Variants in CRTC3 observed in about 807,000 individuals in gnomAD.
CRTC3 encodes the protein CREB-regulated transcription coactivator 3.
Under a neutral mutation model 74.5 loss-of-function variants are expected in CRTC3, and 26 were observed. That is an observed-to-expected ratio of 0.35 (90% CI 0.26 to 0.48). The LOEUF is 0.48. Among genes scored for constraint, CRTC3 ranks in the 20% least tolerant of loss-of-function variants. The probability of loss-of-function intolerance (pLI) is 0.99; values close to 1 mark genes in which losing one functional copy is unlikely to be tolerated. For missense variants in CRTC3, 760 were observed against 787.3 expected, an observed-to-expected ratio of 0.97 and a Z score of 0.41; for synonymous variants, 377 against 325.8, an observed-to-expected ratio of 1.16 and a Z score of -1.69.
chr15:90,540,031 G>A lies in CRTC3; in HGVS notation c.133-8G>A, dbSNP rs1567158533. 1 of 1,601,842 alleles carries A rather than the reference G, an allele frequency of 6.2e-7. No homozygotes were observed. Among genetic ancestry groups the A allele is most frequent in the Admixed American group, 1.7e-5 (1 of 59,840 alleles). Reference sequence around the variant, plus strand: ...CCTCTCAGCGTTCTTAAATCACTTTGTTTCCAGGTTCAATTTCAGAAGCTT... The same window carrying A: ...CCTCTCAGCGTTCTTAAATCACTTTATTTCCAGGTTCAATTTCAGAAGCTT... On this transcript the variant is annotated splice_region_variant and splice_polypyrimidine_tract_variant and intron_variant, in intron 1 of 14. Transcript: ENST00000268184.
intron 2 of CRTC3, among the ~76,000 whole-genome samples, chr15:90,592,134 GAAA>G (rs1967814801): frequency 6.6e-6 from 1 of 152,134 alleles, no homozygotes; most frequent in African/African-American, 2.4e-5. Flanking sequence ...GTTTAACAAA[GAAA>G]AATTAGTTTT....
chr15:90,564,928 TCCTTCCTTCCTTCCTTCCTTCCTTCCTTC>T (rs566476672), intron 2 of CRTC3, among the ~76,000 whole-genome samples: 2 of 19,332 alleles, frequency 1.0e-4, no homozygotes, highest in East Asian at 4.5e-3. Context: ...CTTCCTTCCT[TCCTTCCTTCCTTCCTTCCTTCCTTCCTTC>T]CTTTCATGGA....
At chr15:90,597,538 G>C (rs929089148) in intron 3 of CRTC3, among the ~76,000 whole-genome samples, 4 of 152,102 alleles carry the variant, frequency 2.6e-5, no homozygotes, top group Admixed American at 2.0e-4. Context: ...TGGTTTATAG[G>C]ACACTGTTTC....
intron 9 of CRTC3, among the ~76,000 whole-genome samples, chr15:90,623,050 GC>G (rs910292593): frequency 6.6e-6 from 1 of 151,996 alleles, no homozygotes; most frequent in Non-Finnish European, 1.5e-5. Context: ...GCTCTCTTCT[GC>G]CACTGATTCC....
intron 3 of CRTC3, chr15:90,598,630 A>T: frequency 1.5e-6 from 1 of 666,064 alleles, no homozygotes; most frequent in South Asian, 1.6e-5. Flanking sequence ...CTATAAGAAG[A>T]GGAACAGATT....
intron 2 of CRTC3, among the ~76,000 whole-genome samples, chr15:90,556,079 AT>A (rs934055985): frequency 1.3e-5 from 2 of 151,764 alleles, no homozygotes; most frequent in African/African-American, 2.4e-5. Flanking sequence ...TATTTATATT[AT>A]TTTTTTCTTT....
chr15:90,604,848 C>G (rs912718227), intron 5 of CRTC3, among the ~76,000 whole-genome samples: 3 of 152,190 alleles, frequency 2.0e-5, no homozygotes, highest in Non-Finnish European at 2.9e-5. Flanking sequence ...AGTAAGAGTT[C>G]TACCTCAGCC....
intron 2 of CRTC3, among the ~76,000 whole-genome samples, chr15:90,572,298 C>T (rs1310747590): frequency 9.2e-5 from 14 of 151,938 alleles, no homozygotes; most frequent in Non-Finnish European, 1.5e-4. Flanking sequence ...TATAACCAGT[C>T]TCTTATTGAG....
Position 90,593,747 on chromosome 15 carries a change from G to A in CRTC3, c.343G>A (p.Gly115Arg). ...PLHRRSGDKP[G>R]RQFDGSAFGA... ...CCACCGAAGGTCTGGGGACAAGCCA[G>A]GGCGACAAATATCCTTTTTTACTCT... The change falls in exon 3 of 15, where the codon GGG becomes AGG. Residue 115 changes from glycine to arginine, a missense_variant. Around this residue, in one of 2 missense-constraint regions of CRTC3, gnomAD observed 652 missense variants for 635.2 expected, o/e 1.03. Transcript: ENST00000268184. 1 of 1,601,780 alleles carries A rather than the reference G, an allele frequency of 6.2e-7. No homozygotes were observed. Among genetic ancestry groups the A allele is most frequent in the East Asian group, 2.2e-5 (1 of 44,490 alleles).
At chr15:90,534,663 G>T (rs1006403763) in intron 1 of CRTC3, among the ~76,000 whole-genome samples, 1 of 152,162 alleles carries the variant, frequency 6.6e-6, no homozygotes, top group Non-Finnish European at 1.5e-5. Context: ...ATAATCCAAC[G>T]ACACTCACCC....
intron 2 of CRTC3, among the ~76,000 whole-genome samples, chr15:90,583,075 C>T (rs553193921): frequency 1.4e-4 from 21 of 152,058 alleles, no homozygotes; most frequent in South Asian, 8.3e-4. Context: ...TGAGCTCAAG[C>T]GATCCTCCCA....
chr15:90,606,588 A>G (rs1000836113), intron 5 of CRTC3, among the ~76,000 whole-genome samples: 1 of 152,160 alleles, frequency 6.6e-6, no homozygotes, highest in African/African-American at 2.4e-5. Flanking sequence ...ATAAAATAAA[A>G]AAAATATTGA....
intron 5 of CRTC3, 117 bp from the exon 6 acceptor site, chr15:90,607,261 G>T: frequency 1.5e-6 from 1 of 647,674 alleles, no homozygotes. Flanking sequence ...TTATTTGATG[G>T]TTGATTATAA....
chr15:90,628,573 A>G (rs1304699189), intron 10 of CRTC3, among the ~76,000 whole-genome samples: 1 of 152,152 alleles, frequency 6.6e-6, no homozygotes, highest in Non-Finnish European at 1.5e-5. Flanking sequence ...CTCTCTCCCA[A>G]ATTTCCTTGC....
chr15:90,597,131 G>T (rs538226612), intron 3 of CRTC3, among the ~76,000 whole-genome samples: 13 of 152,352 alleles, frequency 8.5e-5, no homozygotes, highest in Non-Finnish European at 1.3e-4. Flanking sequence ...CACACAGGCG[G>T]AGGAGAGGCA....
chr15:90,598,222 C>T lies in CRTC3; in HGVS notation c.352-4102C>T, dbSNP rs942394443. ...CTGAGCCCTGCCCAGGTACACTGAC[C>T]GCACAGGGACGGGAAGCCAAGAGAA... On this transcript the variant is annotated intron_variant, in intron 3 of 14. Coordinates refer to ENST00000268184, the MANE Select transcript of CRTC3 (RefSeq NM_022769.5). The T allele has an allele frequency of 1.5e-4, 84 of 563,216 alleles. 1 individual carries two copies. The South Asian group carries it at 1.6e-3, about 11-fold the overall frequency. The allele number at this position is 563,216 out of a possible 1,614,324, so 34.9% of individuals were successfully genotyped here. A position where few individuals can be genotyped will look rare whatever the true frequency, so the allele number is the denominator to read the frequency against.
intron 3 of CRTC3, 99 bp from the exon 4 acceptor site, chr15:90,602,225 G>A: frequency 5.5e-6 from 4 of 725,434 alleles, no homozygotes; most frequent in Non-Finnish European, 9.7e-6. Context: ...CAGGGATAAG[G>A]AACCAAAAAC....
At chr15:90,593,488 C>A in intron 2 of CRTC3, 148 bp from the exon 3 acceptor site, 2 of 745,924 alleles carry the variant, frequency 2.7e-6, no homozygotes, top group Non-Finnish European at 4.3e-6. Context: ...CCATATACTA[C>A]TTTATTTACC....
rs11856052 is a variant in CRTC3 at position 90,534,597 on chromosome 15, A to G, written c.132+4394A>G. Among the ~76,000 whole-genome samples the G allele has an allele frequency of 3.8e-3, 541 of 143,522 alleles. 3 individuals carry two copies. The highest frequency in any genetic ancestry group is 0.013 in the African/African-American group (517 of 39,428). 94.2% of individuals were successfully genotyped at this position (143,522 alleles called of 152,430 possible). ...TGGTTGGTTTTAATTAGGGCTAACA[A>G]TGAATATTGGGATTTTATAGTAAAA... On this transcript the variant is annotated intron_variant, in intron 1 of 14. Coordinates refer to ENST00000268184, the MANE Select transcript of CRTC3 (RefSeq NM_022769.5).
Sources: gnomAD v4.1 joint callset for allele counts (sites outside exome capture counted in the v4.1 genomes callset) on GRCh38, gnomAD v4.1.1 for gene constraint, gnomAD v4.1.1 regional missense constraint, MANE v1.5 for transcripts, NCBI Gene and HGNC (gene_info 2026-07-23, HGNC 2026-07-21) for gene names.